Variants in NCOR2 observed in about 807,000 individuals in gnomAD.
The protein encoded by NCOR2 is CTG repeat protein 26.
Under a neutral mutation model 262.9 loss-of-function variants are expected in NCOR2, and 81 were observed. That is an observed-to-expected ratio of 0.31 (90% CI 0.26 to 0.37). The LOEUF is 0.37. Among genes scored for constraint, NCOR2 ranks in the 10% least tolerant of loss-of-function variants. NCOR2 has a pLI of 1.00. For missense variants in NCOR2, 3,385 were observed against 3,621.4 expected (o/e 0.93, Z 1.68); for synonymous variants, 1,659 against 1,559.3 (o/e 1.06, Z -1.51).
At chr12:124,379,230 C>T (rs1163642058) in intron 17 of NCOR2, among the ~76,000 whole-genome samples, 2 of 152,068 alleles carry the variant, frequency 1.3e-5, no homozygotes, top group African/African-American at 4.8e-5. Context: ...AAGCCCTCAT[C>T]GTCGGGCCTC....
In NCOR2 at chr12:124,563,577, TG is replaced by T. The variant is rs2052138682; in HGVS notation, c.-165+3730del. ...ACCCGAGGGCAACGCGCCCAGCCTA[TG>T]GGCACTCCAGGCCACAGAACTCTGC... On this transcript the variant is annotated intron_variant, in intron 1 of 32. Coordinates refer to the NCOR2 transcript ENST00000458234. Among the ~76,000 whole-genome samples, 6 of 152,380 alleles carry T rather than the reference TG, an allele frequency of 3.9e-5. No homozygotes were observed. In the South Asian group the frequency reaches 1.2e-3, roughly 32 times the overall value.
intron 1 of NCOR2, among the ~76,000 whole-genome samples, chr12:124,510,781 G>A (rs11608538): frequency 0.051 from 7,737 of 152,110 alleles, 251 homozygotes; most frequent in South Asian, 0.12. Flanking sequence ...ATGGGCCGCC[G>A]CGGACAGGCT....
chr12:124,523,730 G>C lies in NCOR2; in HGVS notation c.-118+11835C>G, dbSNP rs1182097296. Among the ~76,000 whole-genome samples, 1 of 152,040 alleles carries C rather than the reference G, an allele frequency of 6.6e-6. No homozygotes were observed. Among genetic ancestry groups the C allele is most frequent in the African/African-American group, 2.4e-5 (1 of 41,390 alleles). On this transcript the variant is annotated intron_variant, in intron 1 of 46. Coordinates refer to the NCOR2 transcript ENST00000404621. The surrounding 1 kb of genome is among the most constrained non-coding windows in gnomAD (Gnocchi z 4.0). ...GCATTTAAAACCGTCCTGAGCCGCA[G>C]GTTGGACAAGCTTGCCTTACAACAA...
chr12:124,387,563 G>T (rs1234865271), intron 16 of NCOR2, among the ~76,000 whole-genome samples: 2 of 152,182 alleles, frequency 1.3e-5, no homozygotes, highest in Admixed American at 6.5e-5. Context: ...TGGCGTGGGG[G>T]TGGCACTGAC....
intron 8 of NCOR2, among the ~76,000 whole-genome samples, chr12:124,433,272 C>A (rs2044084042): frequency 6.6e-6 from 1 of 152,100 alleles, no homozygotes; most frequent in Admixed American, 6.5e-5. Context: ...CTGACAGCCC[C>A]AGTGAGGGAT....
intron 1 of NCOR2, chr12:124,513,409 G>GA (rs1170274293): frequency 6.6e-6 from 1 of 152,240 alleles, no homozygotes; most frequent in African/African-American, 2.4e-5. Context: ...CTCAGCCTGG[G>GA]AAACGGGCCC....
chr12:124,335,061 T>A, intron 40 of NCOR2, 74 bp downstream of exon 42: 5 of 1,603,816 alleles, frequency 3.1e-6, no homozygotes, highest in Middle Eastern at 1.9e-4. Flanking sequence ...GGCTGTGGGG[T>A]TCCCCATCCC....
chr12:124,439,418 G>A (rs145798655), intron 7 of NCOR2, among the ~76,000 whole-genome samples: 2,226 of 116,408 alleles, frequency 0.019, 8 homozygotes, highest in East Asian at 0.042. Flanking sequence ...GAGACCCAGA[G>A]AGAGAGAGAG....
exon 46 of NCOR2, chr12:124,326,270 G>A: frequency 6.4e-7 from 1 of 1,561,612 alleles, no homozygotes. Flanking sequence ...AGTGCACTGA[G>A]GAGACAGAGG....
intron 20 of NCOR2, among the ~76,000 whole-genome samples, chr12:124,369,597 G>A (rs1026959799): frequency 3.9e-5 from 6 of 152,100 alleles, no homozygotes; most frequent in African/African-American, 1.4e-4. Flanking sequence ...GGGAGGGGTG[G>A]CGGGCTGCCG....
At chr12:124,405,209 T>C (rs1201832117) in intron 13 of NCOR2, among the ~76,000 whole-genome samples, 4 of 152,218 alleles carry the variant, frequency 2.6e-5, no homozygotes, top group Non-Finnish European at 5.9e-5. Context: ...CGATCGCTCA[T>C]GGCACCACGT....
intron 1 of NCOR2, among the ~76,000 whole-genome samples, chr12:124,489,478 A>G (rs1292106352): frequency 6.6e-6 from 1 of 152,176 alleles, no homozygotes; most frequent in African/African-American, 2.4e-5. Context: ...GCAAAGGCTG[A>G]GCTGGCTTTC....
intron 1 of NCOR2, among the ~76,000 whole-genome samples, chr12:124,527,654 A>C (rs569246318): frequency 6.6e-6 from 1 of 152,176 alleles, no homozygotes; most frequent in South Asian, 2.1e-4. Context: ...CTGACCTCAG[A>C]TGATCCGCCT....
chr12:124,402,474 CCTT>C (rs775939661), exon 14 of NCOR2: 23 of 1,612,658 alleles, frequency 1.4e-5, no homozygotes, highest in Admixed American at 1.0e-4. Context: ...TTTTCCTTCT[CCTT>C]CTCATCTTTC....
In NCOR2 at chr12:124,426,615, G is replaced by A. The variant is rs2043570908; in HGVS notation, c.1328+7C>T. The A allele has an allele frequency of 1.3e-6, 2 of 1,575,974 alleles. No individual in the cohort carries two copies. The highest frequency in any genetic ancestry group is 2.7e-5 in the African/African-American group (2 of 74,406). On this transcript the variant is annotated splice_region_variant and intron_variant, in intron 11 of 46. Coordinates refer to ENST00000405201, the Ensembl canonical transcript of NCOR2. Reference sequence around the variant, plus strand: ...CGGGAGGCCAGGCCAGGTGATGGAGGACTCACTTCTCCCGGAAGGTCTCCT... The same window carrying A: ...CGGGAGGCCAGGCCAGGTGATGGAGAACTCACTTCTCCCGGAAGGTCTCCT...
At chr12:124,372,084 G>A (rs546717361) in exon 20 of NCOR2, 20 of 1,603,864 alleles carry the variant, frequency 1.2e-5, no homozygotes, top group Admixed American at 5.0e-5. Flanking sequence ...CACTGGAGTC[G>A]CTGTCCTGGG....
chr12:124,354,631 CG>C, intron 25 of NCOR2, 49 bp from the exon 28 acceptor site: 2 of 1,457,364 alleles, frequency 1.4e-6, no homozygotes, highest in East Asian at 2.5e-5. Context: ...AGCAGGGTCC[CG>C]GGAGGCTTGT....
At chr12:124,400,519 G>T in exon 15 of NCOR2, 3 of 1,613,848 alleles carry the variant, frequency 1.9e-6, no homozygotes, top group South Asian at 1.1e-5. Context: ...GCGCTCTGCT[G>T]GGGGGTGATG....
intron 1 of NCOR2, among the ~76,000 whole-genome samples, chr12:124,510,679 T>A (rs569436993): frequency 6.6e-6 from 1 of 152,100 alleles, no homozygotes; most frequent in Non-Finnish European, 1.5e-5. Context: ...GACTGTTGTC[T>A]CTCCCACCAG....
Sources: gnomAD v4.1 joint callset for allele counts (sites outside exome capture counted in the v4.1 genomes callset) on GRCh38, gnomAD v4.1.1 for gene constraint, Gnocchi (gnomAD v3.1) non-coding constraint, MANE v1.5 for transcripts, NCBI Gene and HGNC (gene_info 2026-07-23, HGNC 2026-07-21) for gene names.